Variants in PSTPIP2 observed in about 807,000 individuals in gnomAD.
PSTPIP2 encodes the protein proline-serine-threonine phosphatase-interacting protein 2.
In PSTPIP2, 33 loss-of-function variants were observed where a neutral mutation model predicts 63.3. That is an observed-to-expected ratio of 0.52 (90% CI 0.40 to 0.70). The LOEUF is 0.70. Among genes scored for constraint, PSTPIP2 ranks in the 30% least tolerant of loss-of-function variants. The pLI, the probability that PSTPIP2 is intolerant of heterozygous loss-of-function variation, is 0.00. For synonymous variants in PSTPIP2, 125 were observed against 132.7 expected (o/e 0.94, Z 0.40); for missense variants, 312 against 400.7 (o/e 0.78, Z 1.89).
chr18:46,003,133 C>T (rs548937445), intron 6 of PSTPIP2, among the ~76,000 whole-genome samples: 7 of 152,352 alleles, frequency 4.6e-5, no homozygotes, highest in South Asian at 2.1e-4. Flanking sequence ...ACTGACACCA[C>T]AGAGTGTGTG....
At position 45,986,275 on chromosome 18, in the gene PSTPIP2, A is replaced by G. The variant is rs973923014; in HGVS notation, c.*9-825T>C. Among the ~76,000 whole-genome samples, 4 of 152,140 alleles carry G rather than the reference A, an allele frequency of 2.6e-5. No individual in the cohort carries two copies. In the East Asian group the frequency reaches 7.7e-4, roughly 29 times the overall value. On this transcript the variant is annotated intron_variant, in intron 14 of 14. Coordinates refer to ENST00000409746, the MANE Select transcript of PSTPIP2 (RefSeq NM_024430.4). ...AAATTGATGTATATGTTGAACCCCA[A>G]CTCATTGAACTGGCACAGATTCCAG...
At chr18:46,011,770 A>C (rs190998710) in intron 4 of PSTPIP2, among the ~76,000 whole-genome samples, 31 of 152,322 alleles carry the variant, frequency 2.0e-4, no homozygotes, top group Non-Finnish European at 3.7e-4. Flanking sequence ...TTTTCCCCTT[A>C]TTTTTTAAGA....
At chr18:46,029,702 G>A (rs995549628) in intron 2 of PSTPIP2, 5 of 691,094 alleles carry the variant, frequency 7.2e-6, no homozygotes, top group Non-Finnish European at 1.3e-5. Context: ...GCAGTCATTG[G>A]TTCATCTTCC....
At chr18:46,043,150 C>A (rs1908251052) in intron 1 of PSTPIP2, among the ~76,000 whole-genome samples, 1 of 150,160 alleles carries the variant, frequency 6.7e-6, no homozygotes, top group Non-Finnish European at 1.5e-5. Flanking sequence ...CTTTGGGAGG[C>A]CGAGGCGGGA....
rs761103962 is a variant in PSTPIP2 at position 45,985,408 on chromosome 18, C to T, written c.*51G>A. 1.2e-6 allele frequency: 2 copies of T among 1,612,514 alleles called. No individual in the cohort carries two copies. Among genetic ancestry groups the T allele is most frequent in the African/African-American group, 1.3e-5 (1 of 74,762 alleles). On this transcript the variant is annotated 3_prime_UTR_variant, in exon 15 of 15. Transcript: ENST00000409746. ...TATAGGTCCTGCTGCTCTGGGTGCCCTTTCCATATCACAGAAGCACTAGCC... is the reference window on the plus strand; with the variant it reads ...TATAGGTCCTGCTGCTCTGGGTGCCTTTTCCATATCACAGAAGCACTAGCC...
chr18:46,067,041 AAAAG>A (rs1350441508), intron 1 of PSTPIP2, among the ~76,000 whole-genome samples: 1 of 151,824 alleles, frequency 6.6e-6, no homozygotes, highest in Non-Finnish European at 1.5e-5. Flanking sequence ...AAAAAAAAAA[AAAAG>A]AGGTTTTTGA....
At chr18:46,062,367 A>G (rs8096719) in intron 1 of PSTPIP2, among the ~76,000 whole-genome samples, 94,562 of 151,818 alleles carry the variant, frequency 0.62, 29,718 homozygotes, top group African/African-American at 0.7. Context: ...TATGCTAGGC[A>G]TGGTGGCTCA....
In PSTPIP2 at chr18:45,988,750, T is replaced by C. The variant is rs16978507; in HGVS notation, c.965A>G (p.Asn322Ser). Residue 322 changes from asparagine (N) to serine (S), a missense_variant, in exon 14 of 15, where the codon AAT (asparagine) becomes AGT (serine). Coordinates refer to ENST00000409746, the MANE Select transcript of PSTPIP2 (RefSeq NM_024430.4). ...PIPKSSPDDPNYSLVDDYSLL... is the reference protein window; with the variant it reads ...PIPKSSPDDPSYSLVDDYSLL... ...ACTGTAGTCATCAACCAAAGAGTAA[T>C]TGGGATCATCTGCAAAAGGCAGAAC... The C allele has an allele frequency of 3.8e-6, 6 of 1,564,104 alleles. No individual in the cohort carries two copies. The Admixed American group carries it at 5.0e-5, about 13-fold the overall frequency.
intron 9 of PSTPIP2, 117 bp from the exon 10 acceptor site, chr18:45,993,820 T>C: frequency 3.6e-6 from 3 of 828,730 alleles, no homozygotes; most frequent in Non-Finnish European, 5.9e-6. Flanking sequence ...TATTGTCCAA[T>C]TTAGAATGCT....
At chr18:46,032,810 C>T (rs561493) in intron 2 of PSTPIP2, among the ~76,000 whole-genome samples, 117,031 of 145,052 alleles carry the variant, frequency 0.81, 48,457 homozygotes, top group East Asian at 0.95. Context: ...AAAAGAAAAA[C>T]AACCCATGAC....
chr18:46,040,339 G>A (rs1371977517), intron 1 of PSTPIP2: 1 of 276,666 alleles, frequency 3.6e-6, no homozygotes. Flanking sequence ...GTAAGTCAGG[G>A]TCACAAGATG....
chr18:46,008,331 T>G (rs2051754634), intron 5 of PSTPIP2, among the ~76,000 whole-genome samples: 1 of 152,058 alleles, frequency 6.6e-6, no homozygotes, highest in Non-Finnish European at 1.5e-5. Flanking sequence ...TATTTTTTGT[T>G]TTTTTGAGAC....
intron 2 of PSTPIP2, among the ~76,000 whole-genome samples, chr18:46,032,097 C>A (rs1456160458): frequency 2.6e-5 from 4 of 152,110 alleles, no homozygotes; most frequent in Non-Finnish European, 5.9e-5. Flanking sequence ...CCTCCTACTA[C>A]CTATCTGAAT....
intron 2 of PSTPIP2, among the ~76,000 whole-genome samples, chr18:46,036,729 G>A (rs1907993861): frequency 6.6e-6 from 1 of 152,166 alleles, no homozygotes; most frequent in African/African-American, 2.4e-5. Flanking sequence ...CGGTAATGGA[G>A]GTAAAATGTG....
chr18:46,045,205 T>C (rs540362931), intron 1 of PSTPIP2, among the ~76,000 whole-genome samples: 2 of 152,322 alleles, frequency 1.3e-5, no homozygotes, highest in South Asian at 4.1e-4. Flanking sequence ...TAAAGACACA[T>C]GCACACGTAT....
intron 8 of PSTPIP2, among the ~76,000 whole-genome samples, chr18:45,998,131 AC>A (rs2051622580): frequency 6.6e-6 from 1 of 152,140 alleles, no homozygotes; most frequent in African/African-American, 2.4e-5. Flanking sequence ...GTGTAATTCC[AC>A]CTCAGTATTT....
rs112828347 is a variant in PSTPIP2 at position 46,024,413 on chromosome 18, G to C, written c.212+196C>G. Among the ~76,000 whole-genome samples the C allele has an allele frequency of 8.1e-3, 1,237 of 152,190 alleles. 18 individuals carry two copies. Among genetic ancestry groups the C allele is most frequent in the Admixed American group, 0.031 (478 of 15,282 alleles). On this transcript the variant is annotated intron_variant, in intron 3 of 14. Coordinates refer to ENST00000409746, the MANE Select transcript of PSTPIP2 (RefSeq NM_024430.4). ...TCGGCCTCCCAAAGTGCTGGGGTTA[G>C]AGGCATGAGCCACTGCGCCTGACTG...
rs559512625 is a variant in PSTPIP2, at chr18:45,984,706, T to C, written c.*753A>G. The C allele has an allele frequency of 6.6e-6, 1 of 152,216 alleles. No individual in the cohort carries two copies. The highest frequency in any genetic ancestry group is 1.5e-5 in the Non-Finnish European group (1 of 68,038). 9.4% of individuals were successfully genotyped at this position (152,216 alleles called of 1,614,324 possible). A position where few individuals can be genotyped will look rare whatever the true frequency, so the allele number is the denominator to read the frequency against. On this transcript the variant is annotated 3_prime_UTR_variant, in exon 15 of 15. Transcript: ENST00000409746. ...CCTTAAATTAGATTAAACATCATGCTCTGTAGTTCAGCATACACAGGGATC... is the reference window on the plus strand; with the variant it reads ...CCTTAAATTAGATTAAACATCATGCCCTGTAGTTCAGCATACACAGGGATC...
intron 2 of PSTPIP2, among the ~76,000 whole-genome samples, chr18:46,033,840 G>A (rs1341486813): frequency 9.2e-5 from 14 of 152,092 alleles, no homozygotes. Flanking sequence ...AGAAAGGAAT[G>A]GGACACCTTC....
Sources: gnomAD v4.1 joint callset for allele counts (sites outside exome capture counted in the v4.1 genomes callset) on GRCh38, gnomAD v4.1.1 for gene constraint, MANE v1.5 for transcripts, NCBI Gene and HGNC (gene_info 2026-07-23, HGNC 2026-07-21) for gene names.